The following ADAM9 variants were observed in gnomAD, a reference collection of about 807,000 sequenced individuals.
ADAM9 encodes the protein ADAM metallopeptidase domain 9, also known as disintegrin and metalloproteinase domain-containing protein 9.
In ADAM9, 54 loss-of-function variants were observed where a neutral mutation model predicts 108.1. The observed-to-expected ratio is 0.50, with a 90% CI of 0.40 to 0.63. The LOEUF (loss-of-function observed/expected upper bound fraction) is 0.63, where lower values mean the gene tolerates loss of function less well. ADAM9 is among the 20% of genes least tolerant of loss of function. ADAM9 has a pLI of 0.00. For synonymous variants in ADAM9, 316 were observed against 336.0 expected (o/e 0.94, Z 0.65); for missense variants, 830 against 997.7 (o/e 0.83, Z 2.26).
intron 7 of ADAM9, among the ~76,000 whole-genome samples, 196 bp downstream of exon 7, chr8:39,019,114 CCTTTAA>C (rs1303147715): frequency 3.9e-5 from 6 of 152,098 alleles, no homozygotes; most frequent in Non-Finnish European, 7.4e-5. Flanking sequence ...AATGTGACTG[CCTTTAA>C]CTTTATCTTT....
chr8:39,102,025 A>C, intron 21 of ADAM9, 95 bp downstream of exon 21: 1 of 1,074,316 alleles, frequency 9.3e-7, no homozygotes, highest in South Asian at 1.3e-5. Flanking sequence ...ATTTAGTGAA[A>C]GGTATTTATT....
chr8:39,014,859 G>T, intron 4 of ADAM9: 1 of 307,486 alleles, frequency 3.3e-6, no homozygotes, highest in Non-Finnish European at 5.9e-6. Context: ...AAAAACCAAG[G>T]AAATGCTGAC....
At position 39,104,116 on chromosome 8, in the gene ADAM9, C is replaced by T. The variant is rs1457352245; in HGVS notation, c.*416C>T. ...AGTTCCTCATTGAACATGTGATAAT[C>T]TAATACCTGTGAAAACTGACTAATC... On this transcript the variant is annotated 3_prime_UTR_variant, in exon 22 of 22. Coordinates refer to ENST00000487273, the MANE Select transcript of ADAM9 (RefSeq NM_003816.3). The T allele has an allele frequency of 2.2e-6, 1 of 456,048 alleles. No homozygotes were observed. The highest frequency in any genetic ancestry group is 2.3e-5 in the Admixed American group (1 of 42,608). The allele number at this position is 456,048 out of a possible 1,614,324, so 28.3% of individuals were successfully genotyped here.
chr8:39,038,949 A>G (rs900761372), intron 11 of ADAM9, among the ~76,000 whole-genome samples: 4 of 147,438 alleles, frequency 2.7e-5, no homozygotes, highest in African/African-American at 1.1e-4. Flanking sequence ...CTACATCTAG[A>G]TACTTTTTTT....
chr8:39,016,225 T>C (rs752196779), intron 5 of ADAM9, 31 bp downstream of exon 5: 4 of 1,564,942 alleles, frequency 2.6e-6, no homozygotes, highest in Non-Finnish European at 1.8e-6. Context: ...TCTTTTTTTT[T>C]GTTTCCCCTA....
chr8:39,044,867 T>C (rs76532113), intron 12 of ADAM9, among the ~76,000 whole-genome samples: 24 of 147,708 alleles, frequency 1.6e-4, no homozygotes, highest in South Asian at 2.1e-4. Flanking sequence ...TGTGTGTGTG[T>C]ATACATACAT....
intron 3 of ADAM9, among the ~76,000 whole-genome samples, chr8:39,012,853 A>G (rs1836400842): frequency 6.6e-6 from 1 of 152,142 alleles, no homozygotes; most frequent in Non-Finnish European, 1.5e-5. Context: ...GTAAATGATG[A>G]GTTAATGGGT....
rs143338800 is a variant in ADAM9, at chr8:39,004,544, A to G, written c.98-3342A>G. 2.8e-4 allele frequency among the ~76,000 whole-genome samples: 43 copies of G among 152,302 alleles called. No homozygotes were observed. The East Asian group carries it at 5.2e-3, about 18-fold the overall frequency. Reference sequence around the variant, plus strand: ...TATGTAATCTTGTCTGTAATGATTTACTTAAAGAGAATTTTTTTTTAAAAA... The same window carrying G: ...TATGTAATCTTGTCTGTAATGATTTGCTTAAAGAGAATTTTTTTTTAAAAA... On this transcript the variant is annotated intron_variant, in intron 1 of 21. Transcript: ENST00000487273.
intron 12 of ADAM9, among the ~76,000 whole-genome samples, chr8:39,043,395 T>A (rs1477717454): frequency 6.6e-6 from 1 of 152,206 alleles, no homozygotes; most frequent in Non-Finnish European, 1.5e-5. Context: ...TTCCCAACAG[T>A]GCACAAGGGT....
chr8:39,007,114 A>T (rs1836187949), intron 1 of ADAM9, among the ~76,000 whole-genome samples: 1 of 152,304 alleles, frequency 6.6e-6, no homozygotes, highest in East Asian at 1.9e-4. Flanking sequence ...TGAGGGCTTT[A>T]GGCTGCTTCC....
At chr8:39,035,753 C>CT (rs1245871253) in intron 11 of ADAM9, among the ~76,000 whole-genome samples, 5 of 152,040 alleles carry the variant, frequency 3.3e-5, no homozygotes, top group African/African-American at 1.2e-4. Context: ...GGAGGCAGAG[C>CT]TTGCAGTGAG....
chr8:39,037,231 T>A lies in ADAM9; in HGVS notation c.1131-4715T>A, dbSNP rs892666325. On this transcript the variant is annotated intron_variant, in intron 11 of 21. Transcript: ENST00000487273. ...CGCCACTGCGCCCGGCTAATTTTTT[T>A]TTTTTATTTTTAGTAGAGACGGGGT... is the stretch of plus-strand genomic sequence containing the variant. Among the ~76,000 whole-genome samples the A allele has an allele frequency of 6.0e-5, 9 of 149,644 alleles. No individual in the cohort carries two copies. The East Asian group carries it at 7.8e-4, about 13-fold the overall frequency.
chr8:39,089,419 A>G (rs1449428655), intron 18 of ADAM9, among the ~76,000 whole-genome samples: 1 of 152,228 alleles, frequency 6.6e-6, no homozygotes, highest in Non-Finnish European at 1.5e-5. Flanking sequence ...TATAAATTGT[A>G]ACCATTACTA....
chr8:39,024,402 G>A (rs1214214118), intron 9 of ADAM9, among the ~76,000 whole-genome samples: 1 of 152,160 alleles, frequency 6.6e-6, no homozygotes, highest in Non-Finnish European at 1.5e-5. Flanking sequence ...CCCTCTCTTT[G>A]TGTGGTCTCC....
At chr8:39,080,258 T>A (rs1266902999) in intron 16 of ADAM9, among the ~76,000 whole-genome samples, 1 of 152,146 alleles carries the variant, frequency 6.6e-6, no homozygotes, top group East Asian at 1.9e-4. Flanking sequence ...CAGTGTAAGC[T>A]ATACCACTAT....
Position 39,104,373 on chromosome 8 carries a change from A to G in ADAM9, c.*673A>G, listed in dbSNP as rs1234680456. On this transcript the variant is annotated 3_prime_UTR_variant, in exon 22 of 22. Transcript: ENST00000487273. ...TTTTATGACCTTTCAACTATAGGTA[A>G]TAACTCTTAGAGAAATTAATTTAAT... 8.9e-6 allele frequency: 4 copies of G among 448,986 alleles called. No individual in the cohort carries two copies. The highest frequency in any genetic ancestry group is 1.8e-5 in the Non-Finnish European group (4 of 223,716). 27.8% of individuals were successfully genotyped at this position (448,986 alleles called of 1,614,324 possible).
At chr8:39,020,614 T>A (rs1836705757) in intron 7 of ADAM9, among the ~76,000 whole-genome samples, 1 of 152,246 alleles carries the variant, frequency 6.6e-6, no homozygotes, top group Non-Finnish European at 1.5e-5. Flanking sequence ...GTTAAACTTT[T>A]ATATATTTTC....
rs547181005 is a variant in ADAM9, at chr8:39,105,141, A to C, written c.*1441A>C. Reference sequence around the variant, plus strand: ...TCAGACTTTTGCCAAAGTGTGCACAATGGCTTTTTGTTAATAAAGAACAGA... The same window carrying C: ...TCAGACTTTTGCCAAAGTGTGCACACTGGCTTTTTGTTAATAAAGAACAGA... On this transcript the variant is annotated 3_prime_UTR_variant, in exon 22 of 22. Coordinates refer to ENST00000487273, the MANE Select transcript of ADAM9 (RefSeq NM_003816.3). 2.4e-6 allele frequency: 1 copy of C among 423,508 alleles called. No homozygotes were observed. Among genetic ancestry groups the C allele is most frequent in the East Asian group, 7.2e-5 (1 of 13,822 alleles). 26.2% of individuals were successfully genotyped at this position (423,508 alleles called of 1,614,324 possible). A position where few individuals can be genotyped will look rare whatever the true frequency, so the allele number is the denominator to read the frequency against.
At chr8:39,003,792 A>G (rs1836078347) in intron 1 of ADAM9, among the ~76,000 whole-genome samples, 1 of 152,228 alleles carries the variant, frequency 6.6e-6, no homozygotes, top group African/African-American at 2.4e-5. Flanking sequence ...AGGGTGCTAT[A>G]ATTTTGAAAG....
Sources: allele counts gnomAD v4.1 joint callset (sites outside exome capture counted in the v4.1 genomes callset), GRCh38; gene constraint gnomAD v4.1.1; transcripts MANE v1.5; gene names NCBI Gene and HGNC (gene_info 2026-07-23, HGNC 2026-07-21).